TMEM132D: variants seen among roughly 807,000 people sequenced by gnomAD.
TMEM132D encodes the protein transmembrane protein 132D, also known as mature OL transmembrane protein.
A neutral mutation model predicts 62.3 loss-of-function variants in TMEM132D; 21 were observed. That is an observed-to-expected ratio of 0.34 (90% confidence interval 0.24 to 0.49). The LOEUF (loss-of-function observed/expected upper bound fraction) is 0.49, where lower values mean the gene tolerates loss of function less well. Ranked by LOEUF, TMEM132D falls within the 20% of genes least tolerant of loss-of-function variation. The probability of loss-of-function intolerance (pLI) is 0.99; values close to 1 mark genes in which losing one functional copy is unlikely to be tolerated. For synonymous variants in TMEM132D, 621 were observed against 575.6 expected, an observed-to-expected ratio of 1.08 and a Z score of -1.13; for missense variants, 1,346 against 1,402.8, an observed-to-expected ratio of 0.96 and a Z score of 0.65.
At chr12:129,412,712 G>T (rs1015388576) in intron 3 of TMEM132D, among the ~76,000 whole-genome samples, 2 of 152,134 alleles carry the variant, frequency 1.3e-5, no homozygotes, top group Admixed American at 6.5e-5. Flanking sequence ...AATTAGCTGG[G>T]TGTGGTGGTG....
chr12:129,458,414 CT>C (rs1873549388), intron 3 of TMEM132D, among the ~76,000 whole-genome samples: 1 of 129,288 alleles, frequency 7.7e-6, no homozygotes, highest in Non-Finnish European at 1.7e-5. Context: ...TTTTTTTTGT[CT>C]TTTAGATAGA....
chr12:129,425,885 G>A (rs1296582728), intron 3 of TMEM132D, among the ~76,000 whole-genome samples: 1 of 152,200 alleles, frequency 6.6e-6, no homozygotes, highest in Non-Finnish European at 1.5e-5. Context: ...ATAGGCAATG[G>A]AGCAACGAGC....
chr12:129,193,393 C>T (rs1878463342), intron 5 of TMEM132D, among the ~76,000 whole-genome samples: 1 of 151,920 alleles, frequency 6.6e-6, no homozygotes, highest in South Asian at 2.1e-4. Flanking sequence ...GAAATGGAGG[C>T]AAATCAGCAC....
At chr12:129,741,570 G>A (rs958271189) in intron 1 of TMEM132D, among the ~76,000 whole-genome samples, 1 of 152,198 alleles carries the variant, frequency 6.6e-6, no homozygotes, top group Non-Finnish European at 1.5e-5. Flanking sequence ...CACAGCAACT[G>A]TGAAGAATGT....
Position 129,674,740 on chromosome 12 carries a change from T to G in TMEM132D, c.968+25070A>C, listed in dbSNP as rs926106228. Among the ~76,000 whole-genome samples the G allele has an allele frequency of 3.3e-5, 5 of 152,146 alleles. 1 individual carries two copies. The East Asian group carries it at 9.7e-4, about 30-fold the overall frequency. ...ATTTTTAGTACAGATGGGGTTTCACTATGTTGGCCAGACTGGTCTCGAACT... is the reference window on the plus strand; with the variant it reads ...ATTTTTAGTACAGATGGGGTTTCACGATGTTGGCCAGACTGGTCTCGAACT... On this transcript the variant is annotated intron_variant, in intron 2 of 8. Transcript: ENST00000422113.
intron 1 of TMEM132D, among the ~76,000 whole-genome samples, chr12:129,711,060 C>T (rs1030895721): frequency 1.2e-4 from 17 of 141,852 alleles, no homozygotes; most frequent in African/African-American, 4.1e-4. Context: ...TCTTCCTCAA[C>T]CTCCACTAAA....
chr12:129,459,840 G>A (rs367636808), intron 3 of TMEM132D, among the ~76,000 whole-genome samples: 39 of 152,260 alleles, frequency 2.6e-4, no homozygotes, highest in African/African-American at 8.9e-4. Context: ...ACACCAGCAC[G>A]CATTCAAACA....
Position 129,700,670 on chromosome 12 carries a change from G to T in TMEM132D, c.108C>A (p.Ser36Arg). The T allele has an allele frequency of 1.2e-6, 2 of 1,613,046 alleles. No individual in the cohort carries two copies. Among genetic ancestry groups the T allele is most frequent in the Non-Finnish European group, 1.7e-6 (2 of 1,179,652 alleles). The change falls in exon 2 of 9, where the codon AGC becomes AGA. Residue 36 changes from serine (S) to arginine (R), a missense_variant. By Grantham distance (110) the Ser-to-Arg change is moderately radical. Coordinates refer to ENST00000422113, the MANE Select transcript of TMEM132D (RefSeq NM_133448.3). ...KVTEGRGILE[S>R]IQRFSLLPTY... ...TGGGCAGCAAGGAAAACCTCTGGATGCTCTCAAGGATCCCTCGACCTTCCG... is the reference window on the plus strand; with the variant it reads ...TGGGCAGCAAGGAAAACCTCTGGATTCTCTCAAGGATCCCTCGACCTTCCG...
At chr12:129,332,321 A>G (rs1184440156) in intron 4 of TMEM132D, among the ~76,000 whole-genome samples, 2 of 152,194 alleles carry the variant, frequency 1.3e-5, no homozygotes, top group Non-Finnish European at 2.9e-5. Context: ...GACCCTAGAC[A>G]TTAGGGGGAA....
intron 3 of TMEM132D, among the ~76,000 whole-genome samples, chr12:129,425,445 T>C (rs1327657077): frequency 2.0e-5 from 3 of 151,362 alleles, no homozygotes; most frequent in African/African-American, 7.3e-5. Flanking sequence ...GCTTCCATCA[T>C]AGTAGAAACA....
chr12:129,342,827 GCTCATCATCA>G (rs1381410533), intron 3 of TMEM132D, among the ~76,000 whole-genome samples: 1 of 152,178 alleles, frequency 6.6e-6, no homozygotes, highest in Non-Finnish European at 1.5e-5. Context: ...ATGAAAAAAT[GCTCATCATCA>G]CTGGCCATCA....
chr12:129,574,733 C>T (rs892143830), intron 2 of TMEM132D, among the ~76,000 whole-genome samples: 1 of 151,724 alleles, frequency 6.6e-6, no homozygotes, highest in Non-Finnish European at 1.5e-5. Context: ...GGCTTTTTCA[C>T]AATATCACGG....
intron 5 of TMEM132D, among the ~76,000 whole-genome samples, chr12:129,096,502 G>T (rs182642509): frequency 5.4e-4 from 83 of 152,304 alleles, no homozygotes; most frequent in African/African-American, 1.6e-3. Context: ...CCCCACTTTG[G>T]TGAAAGTGGC....
chr12:129,839,996 C>G (rs1873136141), intron 1 of TMEM132D: 1 of 152,160 alleles, frequency 6.6e-6, no homozygotes, highest in Non-Finnish European at 1.5e-5. Flanking sequence ...CTCAAATGCA[C>G]CCCTGATCAG....
chr12:129,494,200 A>G (rs1874882479), intron 3 of TMEM132D, among the ~76,000 whole-genome samples: 1 of 152,234 alleles, frequency 6.6e-6, no homozygotes, highest in African/African-American at 2.4e-5. Context: ...ACAATCAAGC[A>G]TGTTAGAGAG....
At chr12:129,166,115 C>T (rs1222372860) in intron 5 of TMEM132D, among the ~76,000 whole-genome samples, 1 of 152,186 alleles carries the variant, frequency 6.6e-6, no homozygotes. Context: ...TGGGACTTGA[C>T]AACTGGTCTT....
rs1403468701 is a variant in TMEM132D, at chr12:129,198,950, A to G, written c.1443+10570T>C. Among the ~76,000 whole-genome samples the G allele has an allele frequency of 2.0e-5, 3 of 152,236 alleles. No individual in the cohort carries two copies. The East Asian group carries it at 5.8e-4, about 29-fold the overall frequency. On this transcript the variant is annotated intron_variant, in intron 5 of 8. Transcript: ENST00000422113. ...AATAAGATAAAAATTAAAACAGAAA[A>G]TATGTGTTAAACTATAACTGATAAA...
intron 1 of TMEM132D, among the ~76,000 whole-genome samples, chr12:129,744,579 C>T (rs949475981): frequency 1.3e-5 from 2 of 152,154 alleles, no homozygotes; most frequent in Non-Finnish European, 2.9e-5. Context: ...AGATACAGGG[C>T]TGGGACTAGG....
chr12:129,837,423 G>T (rs1873039879), intron 1 of TMEM132D, among the ~76,000 whole-genome samples: 2 of 152,132 alleles, frequency 1.3e-5, no homozygotes, highest in Admixed American at 6.5e-5. Flanking sequence ...TTGTTAAGTT[G>T]CTAGGTTTAC....
Sources: allele counts gnomAD v4.1 joint callset (sites outside exome capture counted in the v4.1 genomes callset), GRCh38; gene constraint gnomAD v4.1.1; transcripts MANE v1.5; gene names NCBI Gene and HGNC (gene_info 2026-07-23, HGNC 2026-07-21).